Variants in AGPAT4 observed in about 807,000 individuals in gnomAD.
AGPAT4 encodes 1-acyl-sn-glycerol-3-phosphate acyltransferase delta.
AGPAT4 carries 15 observed loss-of-function variants against 48.0 expected under a neutral mutation model. The observed-to-expected ratio is 0.31, with a 90% CI of 0.21 to 0.48. The LOEUF is 0.48. Ranked by LOEUF, AGPAT4 falls within the 20% of genes least tolerant of loss-of-function variation. AGPAT4 has a pLI of 0.99. For missense variants in AGPAT4, 314 were observed against 482.5 expected, an observed-to-expected ratio of 0.65 and a Z score of 3.27; for synonymous variants, 178 against 198.7, an observed-to-expected ratio of 0.90 and a Z score of 0.88.
rs1043695289 is a variant in AGPAT4 at position 161,148,504 on chromosome 6, C to T, written c.767+683G>A. Among the ~76,000 whole-genome samples the T allele has an allele frequency of 6.6e-6, 1 of 152,112 alleles. No individual in the cohort carries two copies. The highest frequency in any genetic ancestry group is 1.5e-5 in the Non-Finnish European group (1 of 68,020). On this transcript the variant is annotated intron_variant, in intron 6 of 8. Coordinates refer to ENST00000320285, the MANE Select transcript of AGPAT4 (RefSeq NM_020133.3). This position sits in a 1 kb window ranked among gnomAD's most constrained non-coding sequence, Gnocchi z 5.5. The stretch of plus-strand genomic sequence containing the variant: ...AAGGTTATACGCCCCTGGATTAGTT[C>T]TCCATTAGTGGGCATTTCAGATTCT...
rs1196352147 is a variant in AGPAT4, at chr6:161,206,017, C to T, written c.178+26019G>A. Among the ~76,000 whole-genome samples the T allele has an allele frequency of 2.6e-5, 4 of 151,952 alleles. No homozygotes were observed. The highest frequency in any genetic ancestry group is 2.0e-4 in the Admixed American group (3 of 15,252). On this transcript the variant is annotated intron_variant, in intron 2 of 8. Coordinates refer to ENST00000320285, the MANE Select transcript of AGPAT4 (RefSeq NM_020133.3). This position sits in a 1 kb window ranked among gnomAD's most constrained non-coding sequence, Gnocchi z 4.8. ...AGGGCACACCTCGGGATCTGAGGAA[C>T]GACATGGTGGTGAACTCTTTGTACT...
chr6:161,183,437 T>C (rs751047278), intron 2 of AGPAT4, among the ~76,000 whole-genome samples: 8 of 151,286 alleles, frequency 5.3e-5, no homozygotes, highest in Non-Finnish European at 1.2e-4. Context: ...CTGGCCAACA[T>C]AGTGAAAACC....
rs1782149565 is a variant in AGPAT4 at position 161,232,575 on chromosome 6, C to T, written c.-89-273G>A. On this transcript the variant is annotated intron_variant, in intron 1 of 8. Transcript: ENST00000320285. This position sits in a 1 kb window ranked among gnomAD's most constrained non-coding sequence, Gnocchi z 6.8. Reference sequence around the variant, plus strand: ...GAAACTGAGTCCTGGAAGGTGGAGCCACTCGGCCAGGGTTCACCGCTCCCC... The same window carrying T: ...GAAACTGAGTCCTGGAAGGTGGAGCTACTCGGCCAGGGTTCACCGCTCCCC... Among the ~76,000 whole-genome samples the T allele has an allele frequency of 6.6e-6, 1 of 152,124 alleles. No individual in the cohort carries two copies. The highest frequency in any genetic ancestry group is 1.5e-5 in the Non-Finnish European group (1 of 68,014).
intron 1 of AGPAT4, among the ~76,000 whole-genome samples, chr6:161,268,437 C>A (rs1783328524): frequency 6.6e-6 from 1 of 152,140 alleles, no homozygotes; most frequent in African/African-American, 2.4e-5. Flanking sequence ...ACCTACTGAC[C>A]CATCCTCTAA....
At chr6:161,175,956 T>A (rs576107904) in intron 2 of AGPAT4, among the ~76,000 whole-genome samples, 1 of 152,288 alleles carries the variant, frequency 6.6e-6, no homozygotes, top group African/African-American at 2.4e-5. Context: ...TTTGAGTGAG[T>A]TTCTTAATCC....
intron 2 of AGPAT4, among the ~76,000 whole-genome samples, chr6:161,183,543 C>A (rs965853840): frequency 6.7e-6 from 1 of 149,648 alleles, no homozygotes; most frequent in African/African-American, 2.5e-5. Context: ...TCGCTTGAAC[C>A]CAGGAGGTGG....
Position 161,154,949 on chromosome 6 carries a change from G to C in AGPAT4, c.349-639C>G, listed in dbSNP as rs1036902111. Among the ~76,000 whole-genome samples, 2 of 152,266 alleles carry C rather than the reference G, an allele frequency of 1.3e-5. No homozygotes were observed. Among genetic ancestry groups the C allele is most frequent in the Admixed American group, 6.5e-5 (1 of 15,288 alleles). On this transcript the variant is annotated intron_variant, in intron 3 of 8. Coordinates refer to ENST00000320285, the MANE Select transcript of AGPAT4 (RefSeq NM_020133.3). The surrounding 1 kb of genome is among the most constrained non-coding windows in gnomAD (Gnocchi z 7.8). ...CTCACAGAGCAGGCTGCGGAGCCCAGTGGGATCTCCGGGTACAGCTGGTCC... is the reference window on the plus strand; with the variant it reads ...CTCACAGAGCAGGCTGCGGAGCCCACTGGGATCTCCGGGTACAGCTGGTCC...
intron 2 of AGPAT4, among the ~76,000 whole-genome samples, chr6:161,211,950 A>G (rs945219273): frequency 1.3e-5 from 2 of 152,278 alleles, no homozygotes; most frequent in African/African-American, 2.4e-5. Context: ...CCCAGAGAGT[A>G]TTGTGGAAGA....
Position 161,225,135 on chromosome 6 carries a change from C to G in AGPAT4, c.178+6901G>C, listed in dbSNP as rs1002879727. ...GACTCATTCGGATTACCTGCTCCAC[C>G]CTGACTCCTTCCGATGACCTGCTCC... On this transcript the variant is annotated intron_variant, in intron 2 of 8. Coordinates refer to ENST00000320285, the MANE Select transcript of AGPAT4 (RefSeq NM_020133.3). This position sits in a 1 kb window ranked among gnomAD's most constrained non-coding sequence, Gnocchi z 5.0. 6.6e-5 allele frequency among the ~76,000 whole-genome samples: 10 copies of G among 151,914 alleles called. No individual in the cohort carries two copies. Among genetic ancestry groups the G allele is most frequent in the African/African-American group, 1.7e-4 (7 of 41,332 alleles).
chr6:161,199,762 A>C (rs922479084), intron 2 of AGPAT4, among the ~76,000 whole-genome samples: 12 of 152,130 alleles, frequency 7.9e-5, no homozygotes, highest in African/African-American at 2.9e-4. Flanking sequence ...GGCCACGTAA[A>C]GATGTGTCTG....
Position 161,154,613 on chromosome 6 carries a change from G to A in AGPAT4, c.349-303C>T, listed in dbSNP as rs968482944. 5.3e-5 allele frequency among the ~76,000 whole-genome samples: 8 copies of A among 152,150 alleles called. No homozygotes were observed. Among genetic ancestry groups the A allele is most frequent in the African/African-American group, 1.4e-4 (6 of 41,424 alleles). On this transcript the variant is annotated intron_variant, in intron 3 of 8. Coordinates refer to ENST00000320285, the MANE Select transcript of AGPAT4 (RefSeq NM_020133.3). The surrounding 1 kb of genome is among the most constrained non-coding windows in gnomAD (Gnocchi z 7.8). Reference sequence around the variant, plus strand: ...AGTCACAGGTATTCAGGGTCCTGACGATGCTCCCACCACCATCCAAACGGT... The same window carrying A: ...AGTCACAGGTATTCAGGGTCCTGACAATGCTCCCACCACCATCCAAACGGT...
At chr6:161,190,519 C>T (rs1780893035) in intron 2 of AGPAT4, among the ~76,000 whole-genome samples, 2 of 150,740 alleles carry the variant, frequency 1.3e-5, no homozygotes, top group South Asian at 4.2e-4. Context: ...TGCCTCCCAA[C>T]TGGTTTTAGC....
rs556645408 is a variant in AGPAT4 at position 161,137,940 on chromosome 6, GCTT to G, written c.1043-1309_1043-1307del. 1.7e-4 allele frequency among the ~76,000 whole-genome samples: 26 copies of G among 152,354 alleles called. No individual in the cohort carries two copies. In the South Asian group the frequency reaches 3.3e-3, roughly 19 times the overall value. ...ACACTGCACCCTGGGCAGTGCTCAG[GCTT>G]CTTTTTTTGGTACTCGCTACACAGC... On this transcript the variant is annotated intron_variant, in intron 8 of 8. Transcript: ENST00000320285. The surrounding 1 kb of genome is among the most constrained non-coding windows in gnomAD (Gnocchi z 6.1).
intron 1 of AGPAT4, among the ~76,000 whole-genome samples, chr6:161,273,358 G>A (rs1351386862): frequency 6.6e-6 from 1 of 152,068 alleles, no homozygotes; most frequent in Non-Finnish European, 1.5e-5. Context: ...TGAAAGTGAG[G>A]AGGGGTAGCC....
In AGPAT4 at chr6:161,144,456, G is replaced by C. The variant is rs1253817872; in HGVS notation, c.843+2068C>G. On this transcript the variant is annotated intron_variant, in intron 7 of 8. Transcript: ENST00000320285. This position sits in a 1 kb window ranked among gnomAD's most constrained non-coding sequence, Gnocchi z 6.6. Reference sequence around the variant, plus strand: ...CATTTAAATGTGAACATAGTTTAGAGGAAAACACCCTAAGAGACTTTTAAC... The same window carrying C: ...CATTTAAATGTGAACATAGTTTAGACGAAAACACCCTAAGAGACTTTTAAC... Among the ~76,000 whole-genome samples the C allele has an allele frequency of 1.3e-5, 2 of 152,118 alleles. No homozygotes were observed. Among genetic ancestry groups the C allele is most frequent in the Non-Finnish European group, 2.9e-5 (2 of 68,030 alleles).
rs113655136 is a variant in AGPAT4 at position 161,200,174 on chromosome 6, C to A, written c.178+31862G>T. ...AAAAACTAGAAATTCTGTGTTCACCCTTCAGCCCGGTCCCCATGAGAAAAA... is the reference window on the plus strand; with the variant it reads ...AAAAACTAGAAATTCTGTGTTCACCATTCAGCCCGGTCCCCATGAGAAAAA... On this transcript the variant is annotated intron_variant, in intron 2 of 8. Coordinates refer to ENST00000320285, the MANE Select transcript of AGPAT4 (RefSeq NM_020133.3). The surrounding 1 kb of genome is among the most constrained non-coding windows in gnomAD (Gnocchi z 5.5). Among the ~76,000 whole-genome samples, 1 of 152,226 alleles carries A rather than the reference C, an allele frequency of 6.6e-6. No individual in the cohort carries two copies. Among genetic ancestry groups the A allele is most frequent in the African/African-American group, 2.4e-5 (1 of 41,464 alleles).
Position 161,150,606 on chromosome 6 carries a change from A to C in AGPAT4, c.665-1317T>G, listed in dbSNP as rs182449291. ...TGCCTGACCACCATGCGGGGTCTGC[A>C]GGTCCACTATCTGCTGCCCTGCAGG... On this transcript the variant is annotated intron_variant, in intron 5 of 8. Coordinates refer to ENST00000320285, the MANE Select transcript of AGPAT4 (RefSeq NM_020133.3). Among the ~76,000 whole-genome samples, 1,231 of 152,320 alleles carry C rather than the reference A, an allele frequency of 8.1e-3. 12 individuals carry two copies. Among genetic ancestry groups the C allele is most frequent in the African/African-American group, 0.028 (1,170 of 41,574 alleles).
intron 1 of AGPAT4, among the ~76,000 whole-genome samples, chr6:161,269,495 G>T (rs1783362811): frequency 6.6e-6 from 1 of 152,108 alleles, no homozygotes; most frequent in Non-Finnish European, 1.5e-5. Context: ...ATACCGCCAG[G>T]GCAGGCGCGG....
At position 161,137,575 on chromosome 6, in the gene AGPAT4, A is replaced by G. The variant is rs1453107831; in HGVS notation, c.1043-941T>C. On this transcript the variant is annotated intron_variant, in intron 8 of 8. Coordinates refer to ENST00000320285, the MANE Select transcript of AGPAT4 (RefSeq NM_020133.3). The surrounding 1 kb of genome is among the most constrained non-coding windows in gnomAD (Gnocchi z 6.1). ...TGCATGGAGCGTAACAGTAACAGTG[A>G]GAGTGGAGTTATTGTAGAGCAGAAA... 6.6e-6 allele frequency among the ~76,000 whole-genome samples: 1 copy of G among 152,196 alleles called. No individual in the cohort carries two copies. Among genetic ancestry groups the G allele is most frequent in the East Asian group, 1.9e-4 (1 of 5,196 alleles).
Sources: allele counts gnomAD v4.1 joint callset (sites outside exome capture counted in the v4.1 genomes callset), GRCh38; gene constraint gnomAD v4.1.1; non-coding constraint Gnocchi (gnomAD v3.1); transcripts MANE v1.5; gene names NCBI Gene and HGNC (gene_info 2026-07-23, HGNC 2026-07-21).